Variants in ULK4 observed in about 807,000 individuals in gnomAD.
ULK4 encodes the protein inactive serine/threonine-protein kinase ULK4.
In ULK4, 133 loss-of-function variants were observed where a neutral mutation model predicts 160.6. The observed-to-expected ratio is 0.83, with a 90% CI of 0.72 to 0.96. ULK4 has a LOEUF of 0.96. Ranked by LOEUF, ULK4 falls within the 40% of genes least tolerant of loss-of-function variation. The pLI is 0.00. For synonymous variants in ULK4, 534 were observed against 539.8 expected (o/e 0.99, Z 0.15); for missense variants, 1,580 against 1,499.5 (o/e 1.05, Z -0.89).
intron 31 of ULK4, among the ~76,000 whole-genome samples, chr3:41,608,792 T>C (rs986094085): frequency 1.3e-5 from 2 of 152,214 alleles, no homozygotes; most frequent in African/African-American, 4.8e-5. Flanking sequence ...CTGCCTTTTG[T>C]GAATTCATCA....
chr3:41,724,209 G>A (rs2037567144), intron 22 of ULK4, among the ~76,000 whole-genome samples: 1 of 152,076 alleles, frequency 6.6e-6, no homozygotes, highest in African/African-American at 2.4e-5. Flanking sequence ...TTACTTACTC[G>A]TTTTGTTGTG....
At chr3:41,739,542 G>T (rs1183106005) in intron 22 of ULK4, among the ~76,000 whole-genome samples, 1 of 151,850 alleles carries the variant, frequency 6.6e-6, no homozygotes, top group Non-Finnish European at 1.5e-5. Flanking sequence ...GGGCACTGGG[G>T]CTTACAGCTT....
intron 32 of ULK4, among the ~76,000 whole-genome samples, chr3:41,522,996 C>T (rs1410706316): frequency 6.6e-6 from 1 of 152,122 alleles, no homozygotes. Context: ...ACTGTAACCT[C>T]CACCTCCCAG....
rs760443707 is a variant in ULK4 at position 41,789,833 on chromosome 3, C to CT, written c.2020dup (p.Arg674LysfsTer15). 4.7e-5 allele frequency: 76 copies of CT among 1,607,054 alleles called. No homozygotes were observed. In the Middle Eastern group the frequency reaches 2.0e-3, roughly 42 times the overall value. On this transcript the variant is annotated frameshift_variant, in exon 21 of 37. Transcript: ENST00000301831. LOFTEE classifies it high-confidence loss of function. ...GGCAGTAGGAGAATGGCGAGTGATT[C>CT]TACACAAGGCCTACAAAGACAAGAG... is the stretch of plus-strand genomic sequence containing the variant.
chr3:41,457,644 C>G (rs1014024893), intron 33 of ULK4, among the ~76,000 whole-genome samples: 4 of 152,212 alleles, frequency 2.6e-5, no homozygotes, highest in Admixed American at 6.5e-5. Flanking sequence ...CTCTCAGCCT[C>G]TCTCCAATTT....
intron 31 of ULK4, among the ~76,000 whole-genome samples, chr3:41,593,364 C>T (rs1479961161): frequency 6.6e-6 from 1 of 152,096 alleles, no homozygotes; most frequent in Non-Finnish European, 1.5e-5. Flanking sequence ...CAAGTTTCTA[C>T]ATTGTACAGT....
intron 34 of ULK4, among the ~76,000 whole-genome samples, chr3:41,454,373 CTAT>C (rs2083491696): frequency 6.6e-6 from 1 of 150,634 alleles, no homozygotes; most frequent in South Asian, 2.1e-4. Flanking sequence ...AACCCTGTCT[CTAT>C]TAAAAATGCA....
intron 20 of ULK4, among the ~76,000 whole-genome samples, chr3:41,796,741 T>A (rs544152916): frequency 6.6e-6 from 1 of 152,222 alleles, no homozygotes; most frequent in Non-Finnish European, 1.5e-5. Context: ...ATATATTTTA[T>A]CTAGCTTTGA....
intron 22 of ULK4, among the ~76,000 whole-genome samples, chr3:41,728,706 G>T (rs2037730557): frequency 6.6e-6 from 1 of 152,164 alleles, no homozygotes; most frequent in Non-Finnish European, 1.5e-5. Flanking sequence ...CAAAAAAACT[G>T]CCCTGGGTGT....
chr3:41,404,355 T>C (rs2125821078), intron 34 of ULK4, among the ~76,000 whole-genome samples: 1 of 152,220 alleles, frequency 6.6e-6, no homozygotes, highest in East Asian at 1.9e-4. Context: ...CTGCCTCTGG[T>C]AATTTTCCCT....
chr3:41,323,112 T>C (rs1056142986), intron 35 of ULK4, among the ~76,000 whole-genome samples: 1 of 151,778 alleles, frequency 6.6e-6, no homozygotes. Flanking sequence ...TAATTTTGTA[T>C]TTTTAGTAGA....
At chr3:41,470,089 A>G (rs902714880) in intron 32 of ULK4, among the ~76,000 whole-genome samples, 8 of 149,092 alleles carry the variant, frequency 5.4e-5, no homozygotes, top group African/African-American at 1.7e-4. Context: ...ACTTCTTTTA[A>G]TTTAGGGATA....
At chr3:41,649,087 C>G (rs1282379063) in intron 30 of ULK4, among the ~76,000 whole-genome samples, 3 of 151,584 alleles carry the variant, frequency 2.0e-5, no homozygotes, top group Non-Finnish European at 1.5e-5. Context: ...GAGATTACGC[C>G]ACTGCACTCC....
At chr3:41,474,916 G>A (rs530871676) in intron 32 of ULK4, among the ~76,000 whole-genome samples, 2 of 151,542 alleles carry the variant, frequency 1.3e-5, no homozygotes, top group African/African-American at 4.8e-5. Context: ...TGACTATTAT[G>A]GAAAAGTATA....
At position 41,663,671 on chromosome 3, in the gene ULK4, G is replaced by A; in HGVS notation, c.3007C>T (p.Pro1003Ser). ...QYEHILLEPD[P>S]VPAYALKLLV... ...AGTTTCAGAGCATATGCTGGTACTGGGTCAGGTTCTAAAAGAATGTGCTCA... is the reference window on the plus strand; with the variant it reads ...AGTTTCAGAGCATATGCTGGTACTGAGTCAGGTTCTAAAAGAATGTGCTCA... The change falls in exon 30 of 37, where the codon CCA (proline) becomes TCA (serine). Residue 1003 changes from proline to serine, a missense_variant. Coordinates refer to ENST00000301831, the MANE Select transcript of ULK4 (RefSeq NM_017886.4). 1 of 1,613,826 alleles carries A rather than the reference G, an allele frequency of 6.2e-7. No individual in the cohort carries two copies. Among genetic ancestry groups the A allele is most frequent in the Non-Finnish European group, 8.5e-7 (1 of 1,179,860 alleles).
intron 31 of ULK4, among the ~76,000 whole-genome samples, chr3:41,598,401 C>T (rs543644803): frequency 6.6e-6 from 1 of 152,060 alleles, no homozygotes; most frequent in East Asian, 1.9e-4. Flanking sequence ...TCTCAGGAGA[C>T]CAGACAGATA....
intron 32 of ULK4, among the ~76,000 whole-genome samples, chr3:41,499,255 G>C (rs1196975292): frequency 2.0e-5 from 3 of 152,088 alleles, no homozygotes; most frequent in Admixed American, 6.5e-5. Flanking sequence ...TCTTTTGCTA[G>C]AAAAAGCTCA....
In ULK4 at chr3:41,519,352, C is replaced by T. The variant is rs1238019485; in HGVS notation, c.3226+46673G>A. 5.6e-4 allele frequency among the ~76,000 whole-genome samples: 86 copies of T among 152,224 alleles called. 1 individual carries two copies. The highest frequency in any genetic ancestry group is 8.8e-5 in the Non-Finnish European group (6 of 68,036). On this transcript the variant is annotated intron_variant, in intron 32 of 36. Coordinates refer to ENST00000301831, the MANE Select transcript of ULK4 (RefSeq NM_017886.4). ...GTCACTCCACCTACAAACCAAACAT[C>T]CTAGCATCTTCCACCACTCCCCAGG...
chr3:41,449,235 A>AT (rs34040177), intron 34 of ULK4, among the ~76,000 whole-genome samples: 148 of 150,390 alleles, frequency 9.8e-4, no homozygotes, highest in Non-Finnish European at 1.7e-3. Flanking sequence ...TTATTTAAAA[A>AT]TTTTTTTTTT....
Sources: allele counts gnomAD v4.1 joint callset (sites outside exome capture counted in the v4.1 genomes callset), GRCh38; gene constraint gnomAD v4.1.1; transcripts MANE v1.5; gene names NCBI Gene and HGNC (gene_info 2026-07-23, HGNC 2026-07-21).